Variants in KIAA2012 observed in about 807,000 individuals in gnomAD.
KIAA2012 encodes KIAA2012.
A neutral mutation model predicts 150.6 loss-of-function variants in KIAA2012; 125 were observed. The ratio of observed to expected loss-of-function variants is 0.83; its 90% confidence interval spans 0.72 to 0.96. KIAA2012 has a LOEUF of 0.96. Among genes scored for constraint, KIAA2012 ranks in the 40% least tolerant of loss-of-function variants. KIAA2012 has a pLI of 0.00. For missense variants in KIAA2012, 1,219 were observed against 1,354.9 expected, an observed-to-expected ratio of 0.90 and a Z score of 1.57; for synonymous variants, 462 against 504.7, an observed-to-expected ratio of 0.92 and a Z score of 1.13.
intron 11 of KIAA2012, among the ~76,000 whole-genome samples, chr2:202,119,878 C>T (rs1690617535): frequency 6.6e-6 from 1 of 152,246 alleles, no homozygotes; most frequent in Non-Finnish European, 1.5e-5. Context: ...ACAATTCCCA[C>T]ATGTCATGGG....
chr2:202,126,308 T>G lies in KIAA2012; in HGVS notation c.1831+1026T>G, dbSNP rs1690785406. 2.0e-5 allele frequency among the ~76,000 whole-genome samples: 3 copies of G among 152,266 alleles called. No individual in the cohort carries two copies. In the South Asian group the frequency reaches 6.2e-4, roughly 32 times the overall value. Reference sequence around the variant, plus strand: ...AATGAATCCTGCATGAAGAAGCTGCTGTAGGAACAGGCGGGAGGCAGTGCC... The same window carrying G: ...AATGAATCCTGCATGAAGAAGCTGCGGTAGGAACAGGCGGGAGGCAGTGCC... On this transcript the variant is annotated intron_variant, in intron 12 of 23. Transcript: ENST00000498697.
At chr2:202,187,219 G>T (rs1236053988) in intron 17 of KIAA2012, 121 bp downstream of exon 17, 13 of 1,102,394 alleles carry the variant, frequency 1.2e-5, no homozygotes, top group Non-Finnish European at 1.6e-5. Context: ...GATGAGGGGG[G>T]CACTGAGGTC....
At chr2:202,075,548 A>C (rs1157282170) in intron 2 of KIAA2012, among the ~76,000 whole-genome samples, 1 of 151,944 alleles carries the variant, frequency 6.6e-6, no homozygotes, top group Non-Finnish European at 1.5e-5. Flanking sequence ...TCATCATCCC[A>C]CCTCTGATGT....
chr2:202,088,048 T>C (rs1252789887), intron 2 of KIAA2012, among the ~76,000 whole-genome samples: 1 of 152,050 alleles, frequency 6.6e-6, no homozygotes, highest in Admixed American at 6.6e-5. Flanking sequence ...TACATTGTAT[T>C]CAGTATTATA....
chr2:202,182,708 G>T (rs10174937), intron 15 of KIAA2012, among the ~76,000 whole-genome samples: 2 of 151,846 alleles, frequency 1.3e-5, no homozygotes, highest in African/African-American at 2.4e-5. Context: ...TGGATGGTAC[G>T]GCAGGTATAT....
chr2:202,115,599 G>GT (rs1226266588), intron 11 of KIAA2012: 1 of 151,932 alleles, frequency 6.6e-6, no homozygotes, highest in African/African-American at 2.4e-5. Context: ...TCTGTTTTCT[G>GT]TTTAGCTTCC....
At chr2:202,089,282 A>G (rs184062826) in intron 2 of KIAA2012, among the ~76,000 whole-genome samples, 5 of 152,248 alleles carry the variant, frequency 3.3e-5, no homozygotes, top group African/African-American at 9.6e-5. Flanking sequence ...CTGTTGAGTC[A>G]GGATTTACTG....
intron 13 of KIAA2012, among the ~76,000 whole-genome samples, chr2:202,143,328 T>C (rs4673232): frequency 0.35 from 52,524 of 151,610 alleles, 9,371 homozygotes; most frequent in East Asian, 0.59. Context: ...TCAGGCAATC[T>C]ACCCGCCTTG....
intron 15 of KIAA2012, among the ~76,000 whole-genome samples, chr2:202,180,972 A>G (rs540293072): frequency 7.2e-5 from 11 of 152,262 alleles, no homozygotes; most frequent in African/African-American, 2.6e-4. Context: ...CTGTGCTGCA[A>G]TTAAAAATTT....
At chr2:202,107,263 T>A (rs1292722097) in intron 9 of KIAA2012, among the ~76,000 whole-genome samples, 1 of 151,658 alleles carries the variant, frequency 6.6e-6, no homozygotes, top group Admixed American at 6.6e-5. Flanking sequence ...AATAAAAGAA[T>A]AAACCAAACA....
At chr2:202,132,205 A>C in intron 12 of KIAA2012, among the ~76,000 whole-genome samples, 1 of 152,034 alleles carries the variant, frequency 6.6e-6, no homozygotes, top group East Asian at 1.9e-4. Flanking sequence ...AAAGCAGCTA[A>C]GGAATTTACG....
chr2:202,197,009 G>C lies in KIAA2012; in HGVS notation c.3397G>C (p.Glu1133Gln), dbSNP rs1250967359. The change falls in exon 22 of 24, where the codon GAA becomes CAA. Residue 1133 changes from glutamate to glutamine, a missense_variant. Glu to Gln is a conservative substitution (Grantham distance 29). Coordinates refer to ENST00000498697, the MANE Select transcript of KIAA2012 (RefSeq NM_001277372.4). Reference sequence around the variant, plus strand: ...GGAAGAAGCCACGAAACAAGCCCAGGAACAAGCCAGGTACTGGATATTTGG... The same window carrying C: ...GGAAGAAGCCACGAAACAAGCCCAGCAACAAGCCAGGTACTGGATATTTGG... ...ALEEATKQAQ[E>Q]QARQKAALEK... is the part of the protein sequence containing the mutation. 9.7e-6 allele frequency: 15 copies of C among 1,550,466 alleles called. No individual in the cohort carries two copies. Among genetic ancestry groups the C allele is most frequent in the Non-Finnish European group, 1.3e-5 (15 of 1,147,010 alleles).
intron 11 of KIAA2012, among the ~76,000 whole-genome samples, chr2:202,120,213 A>G (rs1225758298): frequency 1.3e-5 from 2 of 152,212 alleles, no homozygotes; most frequent in African/African-American, 4.8e-5. Context: ...CCGTCTCTGC[A>G]AAAACTTTTA....
intron 11 of KIAA2012, chr2:202,115,522 G>A (rs1690494299): frequency 6.6e-6 from 1 of 152,150 alleles, no homozygotes; most frequent in Non-Finnish European, 1.5e-5. Context: ...CTGCCTAGAT[G>A]TAGCCTCAGC....
chr2:202,201,450 T>C (rs560522293), intron 22 of KIAA2012: 45 of 1,594,316 alleles, frequency 2.8e-5, no homozygotes, highest in Admixed American at 1.8e-4. Context: ...TACGAGGACA[T>C]TGGCTGCCTG....
chr2:202,172,229 TTCC>T (rs929873707), intron 15 of KIAA2012, among the ~76,000 whole-genome samples: 2 of 152,252 alleles, frequency 1.3e-5, no homozygotes, highest in African/African-American at 4.8e-5. Context: ...ATTGTTTCTA[TTCC>T]ACAGATGAGG....
At chr2:202,111,349 A>AC (rs1210873871) in intron 10 of KIAA2012, among the ~76,000 whole-genome samples, 5 of 150,276 alleles carry the variant, frequency 3.3e-5, no homozygotes, top group Admixed American at 6.6e-5. Context: ...ACAAAAAAAA[A>AC]AAAAAAAAAA....
intron 15 of KIAA2012, among the ~76,000 whole-genome samples, chr2:202,178,204 A>G (rs749346740): frequency 6.7e-6 from 1 of 149,800 alleles, no homozygotes; most frequent in Non-Finnish European, 1.5e-5. Flanking sequence ...GTCTCAGAAA[A>G]AGAAAGAAAG....
chr2:202,125,935 C>CATT, intron 12 of KIAA2012: 1 of 135,824 alleles, frequency 7.4e-6, no homozygotes, highest in Non-Finnish European at 1.3e-5. Flanking sequence ...TTCCTGGCTG[C>CATT]TTTTTTTTTT....
Sources: allele counts gnomAD v4.1 joint callset (sites outside exome capture counted in the v4.1 genomes callset), GRCh38; gene constraint gnomAD v4.1.1; transcripts MANE v1.5; gene names NCBI Gene and HGNC (gene_info 2026-07-23, HGNC 2026-07-21).